Variants in WWOX observed in about 807,000 individuals in gnomAD.
WWOX encodes WW domain-containing oxidoreductase.
Under a neutral mutation model 46.2 loss-of-function variants are expected in WWOX, and 69 were observed. That is an observed-to-expected ratio of 1.49 (90% CI 1.23 to 1.82). The LOEUF (loss-of-function observed/expected upper bound fraction) is 1.82, where lower values mean the gene tolerates loss of function less well. Ranked by LOEUF, WWOX falls within the 40% of genes most tolerant of loss-of-function variation. The pLI is 0.00. For synonymous variants in WWOX, 359 were observed against 202.6 expected, an observed-to-expected ratio of 1.77 and a Z score of -6.56; for missense variants, 919 against 542.6, an observed-to-expected ratio of 1.69 and a Z score of -6.89.
At chr16:78,123,440 GTTTTTTTTTTTTTTGT>G (rs1447161062) in intron 4 of WWOX, 23 of 50,480 alleles carry the variant, frequency 4.6e-4, no homozygotes, top group East Asian at 1.3e-3. Context: ...TTTTTGTTTT[GTTTTTTTTTTTTTTGT>G]TTTTTTTTTT....
At chr16:79,003,015 G>C (rs776656113) in intron 8 of WWOX, among the ~76,000 whole-genome samples, 2 of 152,134 alleles carry the variant, frequency 1.3e-5, no homozygotes, top group African/African-American at 4.8e-5. Context: ...CACCCAGCTC[G>C]CCAATGCATG....
chr16:78,980,741 C>G (rs2046664465), intron 8 of WWOX, among the ~76,000 whole-genome samples: 1 of 152,150 alleles, frequency 6.6e-6, no homozygotes, highest in African/African-American at 2.4e-5. Flanking sequence ...GAGACTTTAG[C>G]TACTACCTTT....
At position 78,649,676 on chromosome 16, in the gene WWOX, T is replaced by G. The variant is rs184589971; in HGVS notation, c.1056+216924T>G. The stretch of plus-strand genomic sequence containing the variant: ...TCCTTTACTTATGACTCTGCCCCCT[T>G]TTGACCTCTGCTAAAATTATTTGTT... On this transcript the variant is annotated intron_variant, in intron 8 of 8. Transcript: ENST00000566780. Among the ~76,000 whole-genome samples the G allele has an allele frequency of 2.4e-4, 36 of 152,352 alleles. No individual in the cohort carries two copies. In the East Asian group the frequency reaches 5.4e-3, roughly 23 times the overall value.
intron 8 of WWOX, among the ~76,000 whole-genome samples, chr16:78,596,487 G>A (rs538502413): frequency 6.6e-6 from 1 of 150,762 alleles, no homozygotes; most frequent in African/African-American, 2.4e-5. Flanking sequence ...CGTATCAGGG[G>A]TGCTAAGGTG....
intron 5 of WWOX, among the ~76,000 whole-genome samples, chr16:78,216,428 G>A (rs1054736818): frequency 6.6e-6 from 1 of 152,134 alleles, no homozygotes; most frequent in Non-Finnish European, 1.5e-5. Flanking sequence ...CAAATGTATT[G>A]TCTTTCAGTT....
intron 8 of WWOX, among the ~76,000 whole-genome samples, chr16:79,189,215 C>T (rs1410906427): frequency 6.6e-6 from 1 of 151,992 alleles, no homozygotes; most frequent in African/African-American, 2.4e-5. Context: ...ATTGCCTGAG[C>T]ATTTGGAACA....
chr16:78,917,745 A>G (rs903109008), intron 8 of WWOX, among the ~76,000 whole-genome samples: 3 of 152,078 alleles, frequency 2.0e-5, no homozygotes, highest in Non-Finnish European at 4.4e-5. Flanking sequence ...AGAACCAAAC[A>G]CCATATGTCA....
chr16:78,205,286 C>T (rs557726815), intron 5 of WWOX, among the ~76,000 whole-genome samples: 93 of 152,214 alleles, frequency 6.1e-4, no homozygotes, highest in African/African-American at 2.1e-3. Flanking sequence ...GTTAGGTAGA[C>T]AAACAGAAAA....
At chr16:78,864,329 C>T (rs1435896960) in intron 8 of WWOX, among the ~76,000 whole-genome samples, 1 of 149,720 alleles carries the variant, frequency 6.7e-6, no homozygotes, top group African/African-American at 2.5e-5. Context: ...TGCAGTGGTG[C>T]AGTCATGGTT....
At chr16:79,033,340 C>A (rs2047802773) in intron 8 of WWOX, among the ~76,000 whole-genome samples, 1 of 147,972 alleles carries the variant, frequency 6.8e-6, no homozygotes, top group African/African-American at 2.5e-5. Flanking sequence ...ATATATATTA[C>A]ATATACATAA....
At chr16:79,014,279 C>T (rs868272383) in intron 8 of WWOX, among the ~76,000 whole-genome samples, 1 of 152,150 alleles carries the variant, frequency 6.6e-6, no homozygotes, top group Non-Finnish European at 1.5e-5. Flanking sequence ...ATACCATGCC[C>T]ACCCGGTGAT....
At chr16:78,107,561 A>G (rs2032228355) in intron 1 of WWOX, among the ~76,000 whole-genome samples, 1 of 152,188 alleles carries the variant, frequency 6.6e-6, no homozygotes, top group Admixed American at 6.5e-5. Context: ...CCAAAGGTGC[A>G]CAGCGCACAG....
intron 8 of WWOX, among the ~76,000 whole-genome samples, chr16:78,813,043 G>A (rs542458333): frequency 3.3e-5 from 5 of 150,200 alleles, no homozygotes; most frequent in South Asian, 2.1e-4. Flanking sequence ...TCTTATTTCC[G>A]TCTAGTTATA....
At chr16:78,889,505 A>C (rs1229424805) in intron 8 of WWOX, among the ~76,000 whole-genome samples, 1 of 151,966 alleles carries the variant, frequency 6.6e-6, no homozygotes, top group African/African-American at 2.4e-5. Context: ...TGCAGCTTCA[A>C]ATATAATGTA....
At chr16:78,787,469 T>G (rs2050485902) in intron 8 of WWOX, among the ~76,000 whole-genome samples, 1 of 152,228 alleles carries the variant, frequency 6.6e-6, no homozygotes, top group Non-Finnish European at 1.5e-5. Context: ...CTTTCAAGGT[T>G]CATCCATGTT....
chr16:78,721,652 G>C (rs562269765), intron 8 of WWOX, among the ~76,000 whole-genome samples: 3 of 152,208 alleles, frequency 2.0e-5, no homozygotes, highest in South Asian at 2.1e-4. Flanking sequence ...GTCACTGGCT[G>C]TGTGACCTTA....
chr16:78,997,967 C>T (rs1181179523), intron 8 of WWOX, among the ~76,000 whole-genome samples: 1 of 152,148 alleles, frequency 6.6e-6, no homozygotes, highest in East Asian at 1.9e-4. Context: ...ATCTCTGCCT[C>T]CTGGGTTCAA....
At chr16:78,979,566 G>C (rs1412258206) in intron 8 of WWOX, among the ~76,000 whole-genome samples, 3 of 152,132 alleles carry the variant, frequency 2.0e-5, no homozygotes, top group Admixed American at 2.0e-4. Context: ...TCCTGTGACG[G>C]TTTCTACAGA....
chr16:78,749,095 G>A (rs909458232), intron 8 of WWOX, among the ~76,000 whole-genome samples: 1 of 152,156 alleles, frequency 6.6e-6, no homozygotes, highest in East Asian at 1.9e-4. Flanking sequence ...TAGTGCTTAG[G>A]GGTTGGTGGA....
Sources: allele counts gnomAD v4.1 joint callset (sites outside exome capture counted in the v4.1 genomes callset), GRCh38; gene constraint gnomAD v4.1.1; transcripts MANE v1.5; gene names NCBI Gene and HGNC (gene_info 2026-07-23, HGNC 2026-07-21).